The following DUS3L variants were observed in gnomAD, a reference collection of about 807,000 sequenced individuals.
DUS3L encodes the protein dihydrouridine synthase 3 like, also known as tRNA-dihydrouridine(47) synthase [NAD(P)(+)]-like.
Under a neutral mutation model 74.6 loss-of-function variants are expected in DUS3L, and 62 were observed. The ratio of observed to expected loss-of-function variants is 0.83; its 90% CI spans 0.68 to 1.03. The LOEUF (loss-of-function observed/expected upper bound fraction) is 1.03. Among genes scored for constraint, DUS3L ranks in the 50% least tolerant of loss-of-function variants. The probability of loss-of-function intolerance (pLI) is 0.00; values close to 1 mark genes in which losing one functional copy is unlikely to be tolerated. For missense variants in DUS3L, 884 were observed against 924.4 expected (o/e 0.96, Z 0.57); for synonymous variants, 433 against 395.7 (o/e 1.09, Z -1.12).
Position 5,790,047 on chromosome 19 carries a change from C to G in DUS3L, c.387G>C (p.Gln129His). 1 of 1,611,900 alleles carries G rather than the reference C, an allele frequency of 6.2e-7. No individual in the cohort carries two copies. Among genetic ancestry groups the G allele is most frequent in the Non-Finnish European group, 8.5e-7 (1 of 1,178,118 alleles). Residue 129 changes from glutamine to histidine, a missense_variant and splice_region_variant, in exon 2 of 13, where the codon CAG becomes CAC. Transcript: ENST00000309061. Reference sequence around the variant, plus strand: ...GGAATGCTCACGTGGCCGCACTTGCCTGGATTAGGGAGGGACACAGCCTGT... The same window carrying G: ...GGAATGCTCACGTGGCCGCACTTGCGTGGATTAGGGAGGGACACAGCCTGT... ...DKNRLCPSLI[Q>H]ESAAKCFFGD...
Position 5,787,616 on chromosome 19 carries a change from G to A in DUS3L, c.1185C>T (p.Gly395=), listed in dbSNP as rs746325922. The A allele has an allele frequency of 6.2e-7, 1 of 1,613,688 alleles. No homozygotes were observed. The highest frequency in any genetic ancestry group is 8.5e-7 in the Non-Finnish European group (1 of 1,179,984). The change falls in exon 6 of 13, where the codon GGC becomes GGT. Residue 395 remains glycine, a synonymous_variant. Transcript: ENST00000309061. ...TCTTGTACACGAGGTCGATGGGGCA[G>A]CCGACGTTGATGTCCACAAAGTCCA... ...VEVDFVDINV[G]CPIDLVYKKG...
rs1444361521 is a variant in DUS3L at position 5,789,561 on chromosome 19, G to C, written c.546C>G (p.Ala182=). Reference sequence around the variant, plus strand: ...GGTTCTGTCCCTCGGGCCTCAGGTGGGCCCCAGCGAAGCGGCAGGTCACGC... The same window carrying C: ...GGTTCTGTCCCTCGGGCCTCAGGTGCGCCCCAGCGAAGCGGCAGGTCACGC... ...PYGVTCRFAG[A]HLRPEGQNLV... The change falls in exon 3 of 13, where the codon GCC becomes GCG. Residue 182 remains alanine, a synonymous_variant. Coordinates refer to ENST00000309061, the MANE Select transcript of DUS3L (RefSeq NM_020175.3). The C allele has an allele frequency of 6.3e-7, 1 of 1,598,244 alleles. No individual in the cohort carries two copies. Among genetic ancestry groups the C allele is most frequent in the Admixed American group, 1.7e-5 (1 of 57,302 alleles).
intron 10 of DUS3L, 23 bp downstream of exon 10, chr19:5,786,444 C>T (rs1433818564): frequency 1.2e-6 from 2 of 1,610,426 alleles, no homozygotes; most frequent in Admixed American, 1.7e-5. Context: ...GAAGCTGGAT[C>T]TCTAACATCC....
chr19:5,785,309 C>T, intron 12 of DUS3L, 34 bp from the exon 13 acceptor site: 4 of 1,609,638 alleles, frequency 2.5e-6, no homozygotes, highest in Non-Finnish European at 3.4e-6. Flanking sequence ...GAGGTCAGGC[C>T]CAGGACCTGC....
intron 1 of DUS3L, 145 bp downstream of exon 1, chr19:5,790,899 C>G: frequency 1.3e-6 from 1 of 785,074 alleles, no homozygotes; most frequent in Non-Finnish European, 2.1e-6. Flanking sequence ...CGCTGACCAC[C>G]CTGCAGGCGG....
chr19:5,791,000 G>C, intron 1 of DUS3L, 44 bp downstream of exon 1: 1 of 1,541,916 alleles, frequency 6.5e-7, no homozygotes, highest in Non-Finnish European at 8.8e-7. Flanking sequence ...CGCTATGGGT[G>C]CCGGAAAAGG....
intron 8 of DUS3L, 87 bp downstream of exon 8, chr19:5,786,974 G>A: frequency 6.7e-7 from 1 of 1,487,874 alleles, no homozygotes; most frequent in Non-Finnish European, 8.9e-7. Context: ...TGGAGGTGAA[G>A]AGGGAGGGAT....
intron 1 of DUS3L, 97 bp from the exon 2 acceptor site, chr19:5,790,432 C>G (rs1371518237): frequency 4.8e-6 from 7 of 1,457,106 alleles, no homozygotes; most frequent in Non-Finnish European, 6.6e-6. Flanking sequence ...AATCCTTCTG[C>G]TGATGGGGAG....
At position 5,789,389 on chromosome 19, in the gene DUS3L, T is replaced by G; in HGVS notation, c.718A>C (p.Thr240Pro). Residue 240 changes from threonine (T) to proline (P), a missense_variant, in exon 3 of 13, where the codon ACA becomes CCA. Physicochemically the swap from Thr to Pro is conservative, Grantham distance 38. Coordinates refer to ENST00000309061, the MANE Select transcript of DUS3L (RefSeq NM_020175.3). ...CCCTCGGGGACAGCGGCAGCGGGTG[T>G]GGGGCCCTGGCTGAACCGGCGCAGG... ...QALRRFSQGP[T>P]PAAAVPEGTA... 2 of 1,592,284 alleles carry G rather than the reference T, an allele frequency of 1.3e-6. No individual in the cohort carries two copies. The highest frequency in any genetic ancestry group is 1.7e-6 in the Non-Finnish European group (2 of 1,172,182).
chr19:5,785,722 GGAC>G lies in DUS3L; in HGVS notation c.1629_1631del (p.Ser544del), dbSNP rs753774871. On this transcript the variant is annotated inframe_deletion, in exon 11 of 13. Coordinates refer to ENST00000309061, the MANE Select transcript of DUS3L (RefSeq NM_020175.3). ...AGTCCCGCAGGATGTCCAGGCGCTCGGACGACGAGATGTCCCAGTGCCGCTGCT... is the reference window on the plus strand; with the variant it reads ...AGTCCCGCAGGATGTCCAGGCGCTCGGACGAGATGTCCCAGTGCCGCTGCT... 1 of 1,611,848 alleles carries G rather than the reference GGAC, an allele frequency of 6.2e-7. No individual in the cohort carries two copies. Among genetic ancestry groups the G allele is most frequent in the East Asian group, 2.2e-5 (1 of 44,864 alleles).
intron 7 of DUS3L, 52 bp downstream of exon 7, chr19:5,787,244 A>ACTCGGAGAC: frequency 3.6e-6 from 1 of 274,448 alleles, no homozygotes; most frequent in Non-Finnish European, 5.2e-6. Context: ...GGTGGGAGAC[A>ACTCGGAGAC]GGGCCCGGGG....
Position 5,790,045 on chromosome 19 carries a change from G to A in DUS3L, c.387+2C>T, listed in dbSNP as rs764326984. 6.2e-7 allele frequency: 1 copy of A among 1,611,778 alleles called. No homozygotes were observed. On this transcript the variant is annotated splice_donor_variant, in intron 2 of 12. Transcript: ENST00000309061. LOFTEE classifies it low-confidence loss of function (GC_TO_GT_DONOR). ...CAGGAATGCTCACGTGGCCGCACTT[G>A]CCTGGATTAGGGAGGGACACAGCCT... is the stretch of plus-strand genomic sequence containing the variant.
intron 8 of DUS3L, 52 bp downstream of exon 8, chr19:5,787,007 AGG>A (rs2056849880): frequency 1.3e-6 from 2 of 1,494,676 alleles, no homozygotes; most frequent in South Asian, 2.6e-5. Flanking sequence ...GCCATTAGGA[AGG>A]GACGCGGGGT....
rs1490490072 is a variant in DUS3L at position 5,785,691 on chromosome 19, T to C, written c.1663A>G (p.Asn555Asp). ...ERLDILRDFT[N>D]YGLEHWGSDT... ...GAGCCCCAGTGCTCCAGGCCGTAGTTGGTGAAGTCCCGCAGGATGTCCAGG... is the reference window on the plus strand; with the variant it reads ...GAGCCCCAGTGCTCCAGGCCGTAGTCGGTGAAGTCCCGCAGGATGTCCAGG... The change falls in exon 11 of 13, where the codon AAC becomes GAC. Residue 555 changes from asparagine to aspartate, a missense_variant. Asn to Asp is a conservative substitution (Grantham distance 23). Coordinates refer to ENST00000309061, the MANE Select transcript of DUS3L (RefSeq NM_020175.3). 1 of 1,612,536 alleles carries C rather than the reference T, an allele frequency of 6.2e-7. No homozygotes were observed. The highest frequency in any genetic ancestry group is 1.3e-5 in the African/African-American group (1 of 74,942).
In DUS3L at chr19:5,789,587, C is replaced by T. The variant is rs765884809; in HGVS notation, c.520G>A (p.Gly174Ser). 8 of 1,585,332 alleles carry T rather than the reference C, an allele frequency of 5.0e-6. No homozygotes were observed. Among genetic ancestry groups the T allele is most frequent in the East Asian group, 4.6e-5 (2 of 43,688 alleles). The change falls in exon 3 of 13, where the codon GGC becomes AGC. Residue 174 changes from glycine to serine, a missense_variant. Gly to Ser is a moderately conservative substitution (Grantham distance 56, BLOSUM62 0). Transcript: ENST00000309061. The part of the protein sequence containing the change: ...LFETFGRCPY[G>S]VTCRFAGAHL... Reference sequence around the variant, plus strand: ...GCCCCAGCGAAGCGGCAGGTCACGCCGTAGGGGCACCGGCCGAAGGTCTCG... The same window carrying T: ...GCCCCAGCGAAGCGGCAGGTCACGCTGTAGGGGCACCGGCCGAAGGTCTCG...
intron 4 of DUS3L, 36 bp downstream of exon 4, chr19:5,788,321 C>T: frequency 6.2e-7 from 1 of 1,613,356 alleles, no homozygotes; most frequent in East Asian, 2.2e-5. Context: ...ACACTGCCAC[C>T]CTGCCACCCG....
chr19:5,790,411 G>A, intron 1 of DUS3L, 76 bp from the exon 2 acceptor site: 1 of 1,561,584 alleles, frequency 6.4e-7, no homozygotes, highest in East Asian at 2.3e-5. Context: ...AGAAACACTT[G>A]CACGTCCTTA....
Position 5,789,487 on chromosome 19 carries a change from C to A in DUS3L, c.620G>T (p.Arg207Leu), listed in dbSNP as rs34998818. 7.5e-4 allele frequency: 1,203 copies of A among 1,604,326 alleles called. 8 individuals carry two copies. In the African/African-American group the frequency reaches 0.014, roughly 18 times the overall value. ...CTGCAGGGCTTTGTCCAGGCCGTTG[C>A]GGATGGACGGGGGCTGGGTCCCGCG... ...AARGTQPPSI[R>L]NGLDKALQQQ... Residue 207 changes from arginine to leucine, a missense_variant, in exon 3 of 13, where the codon CGC becomes CTC. Physicochemically the swap from Arg to Leu is moderately radical, Grantham distance 102. Coordinates refer to ENST00000309061, the MANE Select transcript of DUS3L (RefSeq NM_020175.3).
In DUS3L at chr19:5,785,677, C is replaced by T; in HGVS notation, c.1677G>A (p.Glu559=). The change falls in exon 11 of 13, where the codon GAG becomes GAA. Residue 559 remains glutamate, a synonymous_variant. Transcript: ENST00000309061. Reference sequence around the variant, plus strand: ...CGCCCTGCGTGTCCGAGCCCCAGTGCTCCAGGCCGTAGTTGGTGAAGTCCC... The same window carrying T: ...CGCCCTGCGTGTCCGAGCCCCAGTGTTCCAGGCCGTAGTTGGTGAAGTCCC... The part of the protein sequence containing the change: ...ILRDFTNYGL[E]HWGSDTQGVE... The T allele has an allele frequency of 3.7e-6, 6 of 1,612,660 alleles. No individual in the cohort carries two copies. The highest frequency in any genetic ancestry group is 5.1e-6 in the Non-Finnish European group (6 of 1,179,866).
Sources: allele counts gnomAD v4.1 joint callset, GRCh38; gene constraint gnomAD v4.1.1; transcripts MANE v1.5; gene names NCBI Gene and HGNC (gene_info 2026-07-23, HGNC 2026-07-21).